Variants in ABL1 observed in about 807,000 individuals in gnomAD.
ABL1 encodes the protein ABL proto-oncogene 1, non-receptor tyrosine kinase, also known as tyrosine-protein kinase ABL1.
In ABL1, 11 loss-of-function variants were observed where a neutral mutation model predicts 94.7. The observed-to-expected ratio is 0.12, with a 90% CI of 0.07 to 0.19. ABL1 has a LOEUF of 0.19. Among genes scored for constraint, ABL1 ranks in the 10% least tolerant of loss-of-function variants. The pLI is 1.00. For synonymous variants in ABL1, 656 were observed against 622.4 expected (o/e 1.05, Z -0.80); for missense variants, 1,082 against 1,489.4 (o/e 0.73, Z 4.50).
chr9:130,766,471 A>G (rs1212268181), intron 1 of ABL1, among the ~76,000 whole-genome samples: 3 of 152,128 alleles, frequency 2.0e-5, no homozygotes, highest in African/African-American at 7.2e-5. Flanking sequence ...TTGGGATACA[A>G]ATGAGTGTGC....
chr9:130,739,781 G>T (rs1393273333), intron 1 of ABL1, among the ~76,000 whole-genome samples: 1 of 152,132 alleles, frequency 6.6e-6, no homozygotes, highest in Non-Finnish European at 1.5e-5. Flanking sequence ...GGATGCAGTG[G>T]CTCACGCTGC....
intron 1 of ABL1, among the ~76,000 whole-genome samples, chr9:130,734,926 T>C (rs1406331601): frequency 1.3e-5 from 2 of 152,112 alleles, no homozygotes; most frequent in Non-Finnish European, 2.9e-5. Context: ...TATGCTGTTA[T>C]GAAATTTTAT....
chr9:130,724,871 C>T, intron 1 of ABL1: 1 of 450,676 alleles, frequency 2.2e-6, no homozygotes, highest in African/African-American at 2.0e-5. Flanking sequence ...TTCGCCCAGT[C>T]CCTGTGGCCT....
At chr9:130,759,319 C>T (rs2165585) in intron 1 of ABL1, among the ~76,000 whole-genome samples, 4 of 152,166 alleles carry the variant, frequency 2.6e-5, no homozygotes, top group African/African-American at 9.7e-5. Flanking sequence ...CATTGCACTC[C>T]TCATCTTCAA....
At chr9:130,773,891 G>T (rs1412656503) in intron 1 of ABL1, among the ~76,000 whole-genome samples, 2 of 152,106 alleles carry the variant, frequency 1.3e-5, no homozygotes, top group African/African-American at 4.8e-5. Flanking sequence ...CCACAATTAA[G>T]ATAGTGAAAA....
intron 1 of ABL1, among the ~76,000 whole-genome samples, chr9:130,799,254 G>A (rs948805412): frequency 4.6e-5 from 7 of 152,212 alleles, no homozygotes; most frequent in Admixed American, 4.6e-4. Context: ...TTTAGGATAA[G>A]TGCAAGGTGA....
intron 6 of ABL1, among the ~76,000 whole-genome samples, chr9:130,874,015 C>T (rs908961269): frequency 2.0e-5 from 3 of 152,288 alleles, no homozygotes; most frequent in Non-Finnish European, 2.9e-5. Context: ...TTGCCTGGCA[C>T]GGCCGGGTCC....
chr9:130,839,516 C>T (rs1830637022), intron 1 of ABL1, among the ~76,000 whole-genome samples: 1 of 152,216 alleles, frequency 6.6e-6, no homozygotes, highest in Admixed American at 6.5e-5. Flanking sequence ...CAGGCCCTGG[C>T]ACTGAGCACA....
At chr9:130,832,077 G>A (rs1008094749), upstream of ABL1, among the ~76,000 whole-genome samples, 1 of 151,524 alleles carries the variant, frequency 6.6e-6, no homozygotes, top group Non-Finnish European at 1.5e-5. Context: ...TAGAAACATT[G>A]TTCAGATCCC....
intron 1 of ABL1, among the ~76,000 whole-genome samples, chr9:130,853,603 C>G (rs1830922447): frequency 6.6e-6 from 1 of 151,904 alleles, no homozygotes; most frequent in Non-Finnish European, 1.5e-5. Flanking sequence ...CTAATGGAGA[C>G]AGGGTTTCAC....
chr9:130,861,295 T>C (rs1354276241), intron 3 of ABL1, among the ~76,000 whole-genome samples: 1 of 152,232 alleles, frequency 6.6e-6, no homozygotes, highest in Non-Finnish European at 1.5e-5. Flanking sequence ...AACCCCAAAA[T>C]GTGTGCCTTT....
At chr9:130,790,009 A>G (rs1359857928) in intron 1 of ABL1, among the ~76,000 whole-genome samples, 2 of 152,268 alleles carry the variant, frequency 1.3e-5, no homozygotes, top group East Asian at 3.8e-4. Flanking sequence ...ACAGATAATG[A>G]GTGAGAATCT....
chr9:130,817,057 C>CACTTTCCTG (rs1830296940), intron 1 of ABL1, among the ~76,000 whole-genome samples: 1 of 152,182 alleles, frequency 6.6e-6, no homozygotes, highest in African/African-American at 2.4e-5. Flanking sequence ...AACTGCTGCT[C>CACTTTCCTG]ACTTTCCTGA....
intron 1 of ABL1, among the ~76,000 whole-genome samples, chr9:130,734,524 T>TC (rs1240862108): frequency 8.3e-6 from 1 of 120,622 alleles, no homozygotes; most frequent in East Asian, 2.1e-4. Context: ...CTGAATCTTC[T>TC]TTTTTTTTTT....
At chr9:130,853,944 A>G (rs1379995260) in intron 1 of ABL1, 120 bp from the exon 2 acceptor site, 1 of 1,039,596 alleles carries the variant, frequency 9.6e-7, no homozygotes, top group Non-Finnish European at 1.4e-6. Flanking sequence ...ATGTTAAGAA[A>G]TGAAATAGGA....
At chr9:130,871,158 T>TAACAA (rs1831245035) in intron 4 of ABL1, among the ~76,000 whole-genome samples, 1 of 152,218 alleles carries the variant, frequency 6.6e-6, no homozygotes, top group Non-Finnish European at 1.5e-5. Flanking sequence ...TTGGCCTTTG[T>TAACAA]AGCCAGGTTT....
At chr9:130,741,190 C>T (rs1480633293) in intron 1 of ABL1, among the ~76,000 whole-genome samples, 1 of 152,170 alleles carries the variant, frequency 6.6e-6, no homozygotes, top group Non-Finnish European at 1.5e-5. Flanking sequence ...GACTAAGGGA[C>T]TGGCTGCATT....
intron 1 of ABL1, among the ~76,000 whole-genome samples, chr9:130,816,684 G>C (rs1420142025): frequency 6.6e-6 from 1 of 152,038 alleles, no homozygotes; most frequent in Non-Finnish European, 1.5e-5. Flanking sequence ...TAGGCAAGAA[G>C]AAAGGGGTAG....
At chr9:130,868,520 C>CTTTTTTTTT (rs71389371) in intron 4 of ABL1, among the ~76,000 whole-genome samples, 1 of 112,112 alleles carries the variant, frequency 8.9e-6, no homozygotes, top group African/African-American at 3.4e-5. Flanking sequence ...TTTTCTTTTT[C>CTTTTTTTTT]TTTTTTTTTT....
Sources: allele counts gnomAD v4.1 joint callset (sites outside exome capture counted in the v4.1 genomes callset), GRCh38; gene constraint gnomAD v4.1.1; transcripts MANE v1.5; gene names NCBI Gene and HGNC (gene_info 2026-07-23, HGNC 2026-07-21).